Variants in DPP10 observed in about 807,000 individuals in gnomAD.
DPP10 encodes the protein inactive dipeptidyl peptidase 10.
A neutral mutation model predicts 120.9 loss-of-function variants in DPP10; 33 were observed. The ratio of observed to expected loss-of-function variants is 0.27; its 90% CI spans 0.21 to 0.37. DPP10 has a LOEUF of 0.37. DPP10 is among the 10% of genes least tolerant of loss of function. The pLI is 1.00. For synonymous variants in DPP10, 337 were observed against 326.1 expected (o/e 1.03, Z -0.36); for missense variants, 816 against 942.8 (o/e 0.87, Z 1.76).
At chr2:115,638,476 G>C (rs2086528322) in intron 5 of DPP10, among the ~76,000 whole-genome samples, 1 of 152,186 alleles carries the variant, frequency 6.6e-6, no homozygotes, top group Non-Finnish European at 1.5e-5. Flanking sequence ...CTTCAGGAAA[G>C]AGCAGCTGTT....
At position 114,614,628 on chromosome 2, in the gene DPP10, G is replaced by A. The variant is rs369249832; in HGVS notation, c.60+171790G>A. 3.9e-5 allele frequency among the ~76,000 whole-genome samples: 6 copies of A among 152,268 alleles called. No homozygotes were observed. The East Asian group carries it at 7.7e-4, about 20-fold the overall frequency. On this transcript the variant is annotated intron_variant, in intron 1 of 25. Transcript: ENST00000410059. ...TGCCCGCCTAATTAGTGTGGTTAAA[G>A]TGGCTTTTTAAGTCAGATTTTATTA... is the stretch of plus-strand genomic sequence containing the variant.
At chr2:115,619,627 C>A (rs1483867922) in intron 5 of DPP10, among the ~76,000 whole-genome samples, 2 of 152,208 alleles carry the variant, frequency 1.3e-5, no homozygotes, top group African/African-American at 2.4e-5. Context: ...AGTCACCTGT[C>A]CATCTCCAAA....
chr2:115,782,300 T>C, intron 16 of DPP10, 52 bp from the exon 17 acceptor site: 1 of 1,482,084 alleles, frequency 6.7e-7, no homozygotes, highest in Non-Finnish European at 9.3e-7. Flanking sequence ...TTTCTAATGA[T>C]TATTACTTAG....
At chr2:114,721,716 G>C (rs1701716574) in intron 1 of DPP10, among the ~76,000 whole-genome samples, 2 of 152,178 alleles carry the variant, frequency 1.3e-5, no homozygotes, top group South Asian at 2.1e-4. Flanking sequence ...TGACAGGAAA[G>C]AATCTGCTAG....
At chr2:115,161,375 C>T (rs1315250126) in intron 1 of DPP10, 1 of 152,178 alleles carries the variant, frequency 6.6e-6, no homozygotes, top group Non-Finnish European at 1.5e-5. Flanking sequence ...CGGGCGCGCT[C>T]CGCTTCTCCG....
At chr2:115,170,720 T>C (rs2053255490) in intron 1 of DPP10, among the ~76,000 whole-genome samples, 3 of 152,178 alleles carry the variant, frequency 2.0e-5, no homozygotes, top group Non-Finnish European at 4.4e-5. Context: ...AGGAATTGTG[T>C]GTACCCTACT....
intron 5 of DPP10, among the ~76,000 whole-genome samples, chr2:115,576,691 A>G (rs939028960): frequency 8.6e-5 from 13 of 150,954 alleles, no homozygotes; most frequent in African/African-American, 2.7e-4. Flanking sequence ...AGAGTTGACA[A>G]TGTCTACATT....
At chr2:115,345,304 G>C (rs890257245) in intron 3 of DPP10, among the ~76,000 whole-genome samples, 2 of 152,030 alleles carry the variant, frequency 1.3e-5, no homozygotes, top group Non-Finnish European at 2.9e-5. Context: ...CCTTTGTACT[G>C]TGATTATTTC....
intron 1 of DPP10, among the ~76,000 whole-genome samples, chr2:114,660,579 C>T (rs1362023737): frequency 6.6e-6 from 1 of 152,182 alleles, no homozygotes; most frequent in African/African-American, 2.4e-5. Context: ...TGATTCCTGA[C>T]TTTGAAACTC....
chr2:114,902,536 A>G (rs1693664302), intron 1 of DPP10, among the ~76,000 whole-genome samples: 1 of 148,928 alleles, frequency 6.7e-6, no homozygotes, highest in South Asian at 2.1e-4. Flanking sequence ...TTTCAAAGGA[A>G]TCGTGGCTAT....
At chr2:115,135,276 T>C (rs72837524) in intron 1 of DPP10, among the ~76,000 whole-genome samples, 4,792 of 151,814 alleles carry the variant, frequency 0.032, 125 homozygotes, top group Non-Finnish European at 0.05. Flanking sequence ...AAATAGAACA[T>C]AATAGCTTTT....
At chr2:115,185,290 C>T (rs1488469484) in intron 1 of DPP10, among the ~76,000 whole-genome samples, 1 of 150,230 alleles carries the variant, frequency 6.7e-6, no homozygotes, top group East Asian at 2.0e-4. Flanking sequence ...CAATATATTA[C>T]AGGTGCCTGT....
intron 17 of DPP10, among the ~76,000 whole-genome samples, chr2:115,787,687 T>C (rs1457166140): frequency 6.6e-6 from 1 of 152,136 alleles, no homozygotes; most frequent in Non-Finnish European, 1.5e-5. Flanking sequence ...CCAAAAATTT[T>C]CTAAATCTGA....
rs142536534 is a variant in DPP10 at position 114,939,186 on chromosome 2, G to T, written c.61-370053G>T. 2.5e-3 allele frequency among the ~76,000 whole-genome samples: 385 copies of T among 152,202 alleles called. 1 individual carries two copies. Among genetic ancestry groups the T allele is most frequent in the African/African-American group, 9.1e-3 (377 of 41,558 alleles). On this transcript the variant is annotated intron_variant, in intron 1 of 25. Transcript: ENST00000410059. The stretch of plus-strand genomic sequence containing the variant: ...AGAAAATATTCTTACTAGTCATTAA[G>T]TGGAAGTGGAACATCATTAAGATCT...
chr2:115,132,797 A>G (rs1294242724), intron 1 of DPP10, among the ~76,000 whole-genome samples: 1 of 152,134 alleles, frequency 6.6e-6, no homozygotes, highest in African/African-American at 2.4e-5. Flanking sequence ...GACTTTAGAA[A>G]TAAACCCCAC....
chr2:115,101,081 T>G (rs2048671044), intron 1 of DPP10, among the ~76,000 whole-genome samples: 2 of 152,196 alleles, frequency 1.3e-5, no homozygotes, highest in Admixed American at 1.3e-4. Flanking sequence ...CAGTCATATT[T>G]GTCCTCATCA....
intron 1 of DPP10, among the ~76,000 whole-genome samples, chr2:114,936,701 C>A (rs1037917617): frequency 1.3e-4 from 20 of 152,108 alleles, no homozygotes; most frequent in Admixed American, 6.6e-5. Context: ...ATTCACTATA[C>A]ACTATTACAG....
At chr2:115,579,426 A>G (rs2081886406) in intron 5 of DPP10, 1 of 152,222 alleles carries the variant, frequency 6.6e-6, no homozygotes, top group African/African-American at 2.4e-5. Context: ...GTGAAAAACA[A>G]AATCCTAAAT....
At chr2:115,010,769 C>T (rs534593929) in intron 1 of DPP10, among the ~76,000 whole-genome samples, 1 of 152,310 alleles carries the variant, frequency 6.6e-6, no homozygotes, top group South Asian at 2.1e-4. Context: ...TGACTCATGT[C>T]ATGGCTAAAT....
Sources: gnomAD v4.1 joint callset for allele counts (sites outside exome capture counted in the v4.1 genomes callset) on GRCh38, gnomAD v4.1.1 for gene constraint, MANE v1.5 for transcripts, NCBI Gene and HGNC (gene_info 2026-07-23, HGNC 2026-07-21) for gene names.